PCDH15: variants seen among roughly 807,000 people sequenced by gnomAD.
PCDH15 encodes the protein protocadherin-15.
In PCDH15, 129 loss-of-function variants were observed where a neutral mutation model predicts 178.5. That is an observed-to-expected ratio of 0.72 (90% CI 0.63 to 0.84). The LOEUF (loss-of-function observed/expected upper bound fraction) is 0.84, where lower values mean the gene tolerates loss of function less well. Among genes scored for constraint, PCDH15 ranks in the 40% least tolerant of loss-of-function variants. The pLI is 0.00. For synonymous variants in PCDH15, 800 were observed against 732.0 expected (o/e 1.09, Z -1.50); for missense variants, 2,230 against 2,099.9 (o/e 1.06, Z -1.21).
intron 3 of PCDH15, among the ~76,000 whole-genome samples, chr10:54,408,471 T>C (rs1379571403): frequency 2.1e-5 from 3 of 141,548 alleles, no homozygotes; most frequent in Non-Finnish European, 4.7e-5. Flanking sequence ...CCAAAGTGAT[T>C]TGAAAAGAAA....
At position 54,079,415 on chromosome 10, in the gene PCDH15, A is replaced by G. The variant is rs1272965542; in HGVS notation, c.2007T>C (p.Ile669=). Residue 669 remains isoleucine, a synonymous_variant, in exon 17 of 38, where the codon ATT becomes ATC. Transcript: ENST00000644397. ...RVFNLSETTG[I]LTLGKALDRE... ...TGTCCAGTGCTTTCCCTAAGGTTAGAATCCCCGTGCTAGTGACAAAACAAA... is the reference window on the plus strand; with the variant it reads ...TGTCCAGTGCTTTCCCTAAGGTTAGGATCCCCGTGCTAGTGACAAAACAAA... 1.2e-6 allele frequency: 2 copies of G among 1,613,926 alleles called. No homozygotes were observed. The highest frequency in any genetic ancestry group is 3.3e-5 in the Admixed American group (2 of 59,988).
At chr10:54,183,396 A>T (rs1432704130) in intron 13 of PCDH15, 48 bp downstream of exon 13, 1 of 1,528,390 alleles carries the variant, frequency 6.5e-7, no homozygotes, top group Non-Finnish European at 9.1e-7. Flanking sequence ...TATAATGCAC[A>T]TGTAAATAAC....
At chr10:54,786,118 C>T (rs1358344949) in intron 1 of PCDH15, among the ~76,000 whole-genome samples, 4 of 151,774 alleles carry the variant, frequency 2.6e-5, no homozygotes, top group Admixed American at 6.6e-5. Context: ...AGTGAAAGTC[C>T]CATAATCACC....
At chr10:54,630,523 A>G (rs1005688333) in intron 2 of PCDH15, among the ~76,000 whole-genome samples, 1 of 152,144 alleles carries the variant, frequency 6.6e-6, no homozygotes, top group East Asian at 1.9e-4. Context: ...TAAGATGAAT[A>G]TAAGACCTAA....
chr10:55,228,488 C>A lies in PCDH15; in HGVS notation c.-155-61837G>T, dbSNP rs979680972. Among the ~76,000 whole-genome samples the A allele has an allele frequency of 4.6e-5, 7 of 151,796 alleles. No homozygotes were observed. The South Asian group carries it at 1.5e-3, about 32-fold the overall frequency. Reference sequence around the variant, plus strand: ...ATGTATTGCATTGAAAAAAATTAAACGAAATAAAACCAAAGCCTTTCTCTT... The same window carrying A: ...ATGTATTGCATTGAAAAAAATTAAAAGAAATAAAACCAAAGCCTTTCTCTT... On this transcript the variant is annotated intron_variant, in intron 1 of 5. Transcript: ENST00000458638.
intron 8 of PCDH15, among the ~76,000 whole-genome samples, chr10:54,315,750 T>C (rs1442931241): frequency 6.6e-6 from 1 of 152,088 alleles, no homozygotes; most frequent in Admixed American, 6.6e-5. Context: ...TTCATATGGC[T>C]AGCCAGTTCT....
At chr10:55,415,169 T>C (rs1487320563) in intron 2 of PCDH15, among the ~76,000 whole-genome samples, 1 of 151,612 alleles carries the variant, frequency 6.6e-6, no homozygotes, top group African/African-American at 2.4e-5. Context: ...ATTGAAATGA[T>C]TATGTAGTTT....
intron 1 of PCDH15, among the ~76,000 whole-genome samples, chr10:55,202,214 C>T (rs1159691032): frequency 6.6e-6 from 1 of 152,074 alleles, no homozygotes; most frequent in Non-Finnish European, 1.5e-5. Flanking sequence ...TTGGAAACTT[C>T]ATCTACGCAG....
At chr10:54,974,422 G>A (rs1461015580) in intron 2 of PCDH15, among the ~76,000 whole-genome samples, 4 of 151,448 alleles carry the variant, frequency 2.6e-5, no homozygotes, top group Admixed American at 2.6e-4. Flanking sequence ...GATACTTTAT[G>A]TCCATAAAAA....
At chr10:54,754,653 A>G (rs1043022488) in intron 1 of PCDH15, among the ~76,000 whole-genome samples, 2 of 152,138 alleles carry the variant, frequency 1.3e-5, no homozygotes, top group African/African-American at 4.8e-5. Flanking sequence ...AATTTTAGTT[A>G]TATTTAGAAG....
chr10:54,853,318 T>TATATACACAC (rs1194965974), intron 3 of PCDH15, among the ~76,000 whole-genome samples: 1 of 102,054 alleles, frequency 9.8e-6, no homozygotes, highest in African/African-American at 4.3e-5. Context: ...TATATATATA[T>TATATACACAC]ACATACACAC....
intron 10 of PCDH15, among the ~76,000 whole-genome samples, chr10:54,201,771 C>T (rs1456323748): frequency 1.3e-5 from 2 of 151,700 alleles, no homozygotes; most frequent in African/African-American, 4.9e-5. Context: ...TGAACGTACA[C>T]GAAGTGGAAA....
At chr10:55,126,762 G>GA (rs1198749221) in intron 2 of PCDH15, among the ~76,000 whole-genome samples, 116 of 152,092 alleles carry the variant, frequency 7.6e-4, no homozygotes, top group African/African-American at 2.7e-3. Context: ...AATACTAGGA[G>GA]AAAATTATCC....
At chr10:54,070,928 T>C (rs753386147) in intron 17 of PCDH15, among the ~76,000 whole-genome samples, 5 of 152,072 alleles carry the variant, frequency 3.3e-5, no homozygotes, top group Non-Finnish European at 7.4e-5. Context: ...TGTTTTTTAA[T>C]AGTATAAAAA....
At chr10:55,470,332 T>G (rs1180765377) in intron 2 of PCDH15, among the ~76,000 whole-genome samples, 2 of 151,158 alleles carry the variant, frequency 1.3e-5, no homozygotes, top group African/African-American at 4.9e-5. Flanking sequence ...GGTGACAGAG[T>G]GAGAATCCCT....
intron 2 of PCDH15, among the ~76,000 whole-genome samples, chr10:55,427,307 T>C (rs1285135667): frequency 6.6e-6 from 1 of 152,186 alleles, no homozygotes; most frequent in Admixed American, 6.5e-5. Flanking sequence ...CATACTAATG[T>C]GAACATGTTG....
chr10:53,881,989 CTTT>C (rs5785025), intron 26 of PCDH15, among the ~76,000 whole-genome samples: 59 of 138,126 alleles, frequency 4.3e-4, no homozygotes, highest in Admixed American at 5.1e-4. Flanking sequence ...TGCCCACTTG[CTTT>C]TTTTTTTTTT....
chr10:54,996,052 AGG>A (rs1197551144), intron 2 of PCDH15, among the ~76,000 whole-genome samples: 1 of 152,148 alleles, frequency 6.6e-6, no homozygotes, highest in African/African-American at 2.4e-5. Flanking sequence ...AGTGGGGAGC[AGG>A]ACCTATACTG....
chr10:54,592,508 T>C (rs1208807878), intron 2 of PCDH15, among the ~76,000 whole-genome samples: 2 of 152,152 alleles, frequency 1.3e-5, no homozygotes, highest in Non-Finnish European at 2.9e-5. Context: ...ACATCCATAA[T>C]GTAAAACATA....
Sources: allele counts gnomAD v4.1 joint callset (sites outside exome capture counted in the v4.1 genomes callset), GRCh38; gene constraint gnomAD v4.1.1; transcripts MANE v1.5; gene names NCBI Gene and HGNC (gene_info 2026-07-23, HGNC 2026-07-21).